Variants in CNTNAP4 observed in about 807,000 individuals in gnomAD.
CNTNAP4 encodes the protein contactin-associated protein-like 4.
In CNTNAP4, 98 loss-of-function variants were observed where a neutral mutation model predicts 148.4. The ratio of observed to expected loss-of-function variants is 0.66; its 90% CI spans 0.56 to 0.78. The LOEUF (loss-of-function observed/expected upper bound fraction) is 0.78, where lower values mean the gene tolerates loss of function less well. Ranked by LOEUF, CNTNAP4 falls within the 30% of genes least tolerant of loss-of-function variation. CNTNAP4 has a pLI of 0.00. For missense variants in CNTNAP4, 1,935 were observed against 1,565.6 expected, an observed-to-expected ratio of 1.24 and a Z score of -3.98; for synonymous variants, 730 against 565.1, an observed-to-expected ratio of 1.29 and a Z score of -4.14.
intron 3 of CNTNAP4, among the ~76,000 whole-genome samples, chr16:76,422,296 T>C (rs1443341669): frequency 6.6e-6 from 1 of 152,136 alleles, no homozygotes; most frequent in East Asian, 1.9e-4. Context: ...ATATAACATA[T>C]ATTCTGTGTC....
rs146482811 is a variant in CNTNAP4 at position 76,470,482 on chromosome 16, A to ATATAT, written c.1655+2959_1655+2960insTATAT. 2.4e-3 allele frequency among the ~76,000 whole-genome samples: 237 copies of ATATAT among 96,996 alleles called. 39 individuals carry two copies. The highest frequency in any genetic ancestry group is 0.011 in the African/African-American group (228 of 21,136). 63.6% of individuals were successfully genotyped at this position (96,996 alleles called of 152,430 possible). A position where few individuals can be genotyped will look rare whatever the true frequency, so the allele number is the denominator to read the frequency against. ...ATAGCAAAACCACGTCTCTACTAAT[A>ATATAT]ATATATATATATATAAAATTAGTCG... On this transcript the variant is annotated intron_variant, in intron 10 of 23. Coordinates refer to ENST00000611870, the MANE Select transcript of CNTNAP4 (RefSeq NM_033401.5).
intron 12 of CNTNAP4, among the ~76,000 whole-genome samples, 156 bp from the exon 13 acceptor site, chr16:76,489,530 C>T (rs556447626): frequency 1.5e-3 from 230 of 152,138 alleles, no homozygotes; most frequent in African/African-American, 5.2e-3. Context: ...TTAAAAATTC[C>T]GAGAATCCAT....
chr16:76,286,166 G>C (rs1334836135), intron 1 of CNTNAP4, among the ~76,000 whole-genome samples: 1 of 142,028 alleles, frequency 7.0e-6, no homozygotes, highest in African/African-American at 2.6e-5. Flanking sequence ...TGCTGAGATA[G>C]AATTATCAGT....
intron 4 of CNTNAP4, among the ~76,000 whole-genome samples, chr16:76,436,266 G>T (rs540208740): frequency 6.6e-6 from 1 of 152,260 alleles, no homozygotes; most frequent in Admixed American, 6.5e-5. Flanking sequence ...TGGGAAAGCT[G>T]TTTCTTCTGG....
intron 4 of CNTNAP4, among the ~76,000 whole-genome samples, chr16:76,443,870 T>C (rs901591875): frequency 1.3e-5 from 2 of 152,154 alleles, no homozygotes; most frequent in African/African-American, 4.8e-5. Context: ...CTTTGTGGAA[T>C]AGTGAAAATA....
intron 3 of CNTNAP4, among the ~76,000 whole-genome samples, chr16:76,360,848 G>A (rs1411067526): frequency 7.9e-6 from 1 of 126,640 alleles, no homozygotes; most frequent in African/African-American, 3.1e-5. Flanking sequence ...ATGGAGTCTC[G>A]CTCTGTTGCC....
At chr16:76,394,929 G>A (rs2078144638) in intron 3 of CNTNAP4, among the ~76,000 whole-genome samples, 1 of 152,026 alleles carries the variant, frequency 6.6e-6, no homozygotes, top group Non-Finnish European at 1.5e-5. Flanking sequence ...AGGGCTCTGT[G>A]ACTCCTCTTT....
At position 76,467,497 on chromosome 16, in the gene CNTNAP4, G is replaced by T. The variant is rs769018027; in HGVS notation, c.1629G>T (p.Gln543His). The T allele has an allele frequency of 1.9e-6, 3 of 1,613,200 alleles. No homozygotes were observed. Among genetic ancestry groups the T allele is most frequent in the South Asian group, 1.1e-5 (1 of 91,000 alleles). Residue 543 changes from glutamine to histidine, a missense_variant, in exon 10 of 24, where the codon CAG becomes CAT. Transcript: ENST00000611870. The part of the protein sequence containing the change: ...QGSLGNFSDL[Q>H]IDSCGISDRC... ...CCCTTGGGAACTTCAGTGACCTTCA[G>T]ATAGACTCATGTGGCATCTCAGACA...
intron 2 of CNTNAP4, among the ~76,000 whole-genome samples, chr16:76,331,220 C>G (rs1963484749): frequency 6.6e-6 from 1 of 151,458 alleles, no homozygotes; most frequent in African/African-American, 2.4e-5. Context: ...CAGAGTCTCG[C>G]TCTGTTGCCC....
chr16:76,384,106 C>G (rs2016272163), intron 3 of CNTNAP4, among the ~76,000 whole-genome samples: 1 of 151,938 alleles, frequency 6.6e-6, no homozygotes, highest in Admixed American at 6.6e-5. Context: ...TGCAGTGGCA[C>G]TATCTTGGCT....
In CNTNAP4 at chr16:76,379,745, A is replaced by G. The variant is rs142426274; in HGVS notation, c.390+24234A>G. ...TAGTTAGGTGTACACATCAGTTTCA[A>G]TCACTACTGACTGATCTTAGCTGGT... is the stretch of plus-strand genomic sequence containing the variant. On this transcript the variant is annotated intron_variant, in intron 3 of 23. Coordinates refer to ENST00000611870, the MANE Select transcript of CNTNAP4 (RefSeq NM_033401.5). 1.2e-3 allele frequency among the ~76,000 whole-genome samples: 178 copies of G among 152,302 alleles called. No homozygotes were observed. In the East Asian group the frequency reaches 0.019, roughly 17 times the overall value.
At chr16:76,339,274 G>C (rs1788373609) in intron 2 of CNTNAP4, among the ~76,000 whole-genome samples, 1 of 152,092 alleles carries the variant, frequency 6.6e-6, no homozygotes, top group Non-Finnish European at 1.5e-5. Context: ...GTCTTAAAGT[G>C]CATAGTCAGC....
chr16:76,458,274 T>G (rs1176887616), intron 8 of CNTNAP4, among the ~76,000 whole-genome samples: 2 of 152,142 alleles, frequency 1.3e-5, no homozygotes, highest in African/African-American at 4.8e-5. Context: ...GCAGGCATCT[T>G]TTTTGGTCAG....
At chr16:76,302,390 A>G (rs545551920) in intron 1 of CNTNAP4, among the ~76,000 whole-genome samples, 1 of 151,762 alleles carries the variant, frequency 6.6e-6, no homozygotes, top group African/African-American at 2.4e-5. Context: ...TTGGAGCTGA[A>G]CCTCCGTTTA....
At chr16:76,394,747 A>T (rs987100377) in intron 3 of CNTNAP4, among the ~76,000 whole-genome samples, 1 of 152,218 alleles carries the variant, frequency 6.6e-6, no homozygotes, top group Non-Finnish European at 1.5e-5. Context: ...ATTACCAAAG[A>T]AGCCCTAGGC....
chr16:76,449,841 C>T lies in CNTNAP4; in HGVS notation c.1054C>T (p.Pro352Ser), dbSNP rs1329497822. 6.2e-7 allele frequency: 1 copy of T among 1,608,124 alleles called. No individual in the cohort carries two copies. Among genetic ancestry groups the T allele is most frequent in the African/African-American group, 1.3e-5 (1 of 74,842 alleles). ...DIIDLAKQQK[P>S]QIIAMGNVSF... is the part of the protein sequence containing the mutation. ...CATTGATTTGGCCAAGCAGCAAAAA[C>T]CACAGATCATTGCTATGGTGAGAGT... Residue 352 changes from proline (P) to serine (S), a missense_variant, in exon 7 of 24, where the codon CCA becomes TCA. Coordinates refer to ENST00000611870, the MANE Select transcript of CNTNAP4 (RefSeq NM_033401.5).
chr16:76,448,720 T>TC, intron 5 of CNTNAP4, 47 bp from the exon 6 acceptor site: 1 of 1,399,558 alleles, frequency 7.1e-7, no homozygotes, highest in Non-Finnish European at 9.6e-7. Context: ...TTTTTTTTTT[T>TC]CTTTAGACTG....
At chr16:76,448,633 A>G (rs986671144) in intron 5 of CNTNAP4, 134 bp from the exon 6 acceptor site, 3 of 614,700 alleles carry the variant, frequency 4.9e-6, no homozygotes, top group Non-Finnish European at 8.1e-6. Context: ...GGGGAAATGC[A>G]TCCTAGTATT....
At chr16:76,345,094 C>T (rs973971576) in intron 2 of CNTNAP4, among the ~76,000 whole-genome samples, 8 of 152,194 alleles carry the variant, frequency 5.3e-5, no homozygotes, top group African/African-American at 1.7e-4. Flanking sequence ...TTGGCAAAGA[C>T]ACCTTTTACT....
Sources: gnomAD v4.1 joint callset for allele counts (sites outside exome capture counted in the v4.1 genomes callset) on GRCh38, gnomAD v4.1.1 for gene constraint, MANE v1.5 for transcripts, NCBI Gene and HGNC (gene_info 2026-07-23, HGNC 2026-07-21) for gene names.